RERE: variants seen among roughly 807,000 people sequenced by gnomAD.
RERE encodes arginine-glutamic acid dipeptide repeats.
Under a neutral mutation model 146.1 loss-of-function variants are expected in RERE, and 40 were observed. The observed-to-expected ratio is 0.27, with a 90% confidence interval of 0.21 to 0.36. The LOEUF (loss-of-function observed/expected upper bound fraction) is 0.36. RERE is among the 10% of genes least tolerant of loss of function. The pLI, the probability that RERE is intolerant of heterozygous loss-of-function variation, is 1.00. For missense variants in RERE, 1,933 were observed against 2,138.7 expected (o/e 0.90, Z 1.90); for synonymous variants, 1,003 against 866.0 (o/e 1.16, Z -2.78).
intron 11 of RERE, among the ~76,000 whole-genome samples, chr1:8,451,159 G>C (rs1251678770): frequency 6.6e-6 from 1 of 152,146 alleles, no homozygotes; most frequent in East Asian, 1.9e-4. Flanking sequence ...AGCTGGGCGC[G>C]GTGGCTCACA....
intron 12 of RERE, among the ~76,000 whole-genome samples, chr1:8,372,773 G>A (rs950158086): frequency 6.6e-6 from 1 of 152,194 alleles, no homozygotes; most frequent in Non-Finnish European, 1.5e-5. Context: ...ATACAGGCAG[G>A]CAGGCATCTA....
At chr1:8,636,051 C>T (rs375427163) in intron 2 of RERE, among the ~76,000 whole-genome samples, 118 of 152,086 alleles carry the variant, frequency 7.8e-4, no homozygotes, top group African/African-American at 2.5e-3. Flanking sequence ...TGCAATGGCG[C>T]GATCTCAGCT....
chr1:8,459,708 C>T (rs1200618345), intron 11 of RERE, among the ~76,000 whole-genome samples: 1 of 152,158 alleles, frequency 6.6e-6, no homozygotes, highest in East Asian at 1.9e-4. Flanking sequence ...TGAAGCCAGA[C>T]ACTGTGAGAC....
intron 1 of RERE, among the ~76,000 whole-genome samples, chr1:8,703,742 T>C (rs1639508591): frequency 6.6e-6 from 1 of 151,676 alleles, no homozygotes; most frequent in South Asian, 2.1e-4. Flanking sequence ...GAGCTGCCTC[T>C]GCTTCTGCCA....
chr1:8,665,780 A>T (rs1413826901), intron 1 of RERE, among the ~76,000 whole-genome samples: 1 of 152,254 alleles, frequency 6.6e-6, no homozygotes, highest in Non-Finnish European at 1.5e-5. Context: ...ATGTTAACTC[A>T]TTTAATCTTC....
intron 1 of RERE, among the ~76,000 whole-genome samples, chr1:8,758,708 G>C (rs1033910531): frequency 6.6e-6 from 1 of 152,028 alleles, no homozygotes; most frequent in African/African-American, 2.4e-5. Context: ...GCTGAGAGGA[G>C]GACTGGGGAA....
intron 1 of RERE, among the ~76,000 whole-genome samples, chr1:8,672,854 A>G (rs1473759038): frequency 6.6e-6 from 1 of 152,228 alleles, no homozygotes; most frequent in Non-Finnish European, 1.5e-5. Context: ...TCAGATGTTT[A>G]CTACCAAACA....
chr1:8,687,805 C>T (rs1389080788), intron 1 of RERE, among the ~76,000 whole-genome samples: 2 of 152,150 alleles, frequency 1.3e-5, no homozygotes, highest in Non-Finnish European at 2.9e-5. Flanking sequence ...TAAACAAAAG[C>T]AGGGTTTTAA....
At chr1:8,519,971 G>A (rs571006540) in intron 7 of RERE, among the ~76,000 whole-genome samples, 35 of 152,218 alleles carry the variant, frequency 2.3e-4, no homozygotes, top group African/African-American at 7.5e-4. Context: ...TGAAGTCCCC[G>A]TGACAGAAAG....
chr1:8,537,379 T>C (rs758545340), intron 7 of RERE, among the ~76,000 whole-genome samples: 1 of 152,168 alleles, frequency 6.6e-6, no homozygotes, highest in Non-Finnish European at 1.5e-5. Flanking sequence ...GTTCATGTAA[T>C]AATCCATATT....
chr1:8,491,629 C>A lies in RERE; in HGVS notation c.1104+3434G>T, dbSNP rs898406523. ...CAAGATCCTGCCTCAAACAAACAAA[C>A]AAACAAAAAAGAACTGACAGCTCAA... On this transcript the variant is annotated intron_variant, in intron 10 of 22. Transcript: ENST00000400908. 3.9e-5 allele frequency among the ~76,000 whole-genome samples: 6 copies of A among 151,994 alleles called. 1 individual carries two copies. The highest frequency in any genetic ancestry group is 1.5e-5 in the Non-Finnish European group (1 of 67,980).
At chr1:8,427,637 TAAA>T (rs33996085) in intron 11 of RERE, among the ~76,000 whole-genome samples, 10 of 116,346 alleles carry the variant, frequency 8.6e-5, no homozygotes, top group South Asian at 2.9e-4. Flanking sequence ...GGCCCCACTT[TAAA>T]AAAAAAAAAA....
rs1173819534 is a variant in RERE, at chr1:8,358,455, C to T, written c.4080G>A (p.Gly1360=). The T allele has an allele frequency of 6.3e-7, 1 of 1,586,870 alleles. No individual in the cohort carries two copies. The highest frequency in any genetic ancestry group is 8.6e-7 in the Non-Finnish European group (1 of 1,163,772). The change falls in exon 20 of 23, where the codon GGG becomes GGA. Residue 1360 remains glycine (G), a synonymous_variant. Transcript: ENST00000400908. ...HSALTIPPTA[G]PHPFASFHPG... ...GGTGGAAAGAAGCAAAAGGGTGGGG[C>T]CCGGCGGTCGGGGGGATGGTGAGGG...
chr1:8,534,924 A>C (rs1363627376), intron 7 of RERE, among the ~76,000 whole-genome samples: 1 of 152,186 alleles, frequency 6.6e-6, no homozygotes, highest in Non-Finnish European at 1.5e-5. Flanking sequence ...AACTCTAATA[A>C]TAAGGAAACA....
intron 6 of RERE, among the ~76,000 whole-genome samples, chr1:8,546,300 TAA>T (rs1446218151): frequency 1.2e-3 from 54 of 44,688 alleles, no homozygotes; most frequent in African/African-American, 4.6e-3. Flanking sequence ...TAAATAAAAA[TAA>T]AAATAAATAA....
chr1:8,779,042 T>G (rs980995738), intron 1 of RERE, among the ~76,000 whole-genome samples: 3 of 151,056 alleles, frequency 2.0e-5, no homozygotes, highest in Non-Finnish European at 3.0e-5. Flanking sequence ...AGACGGGGTT[T>G]TGCCATGTTG....
chr1:8,361,453 C>A lies in RERE; in HGVS notation c.2054G>T (p.Gly685Val), dbSNP rs1237959147. 1 of 1,613,324 alleles carries A rather than the reference C, an allele frequency of 6.2e-7. No individual in the cohort carries two copies. The highest frequency in any genetic ancestry group is 2.2e-5 in the East Asian group (1 of 44,874). Residue 685 changes from glycine to valine, a missense_variant, in exon 18 of 23, where the codon GGA becomes GTA. Physicochemically the swap from Gly to Val is moderately radical, Grantham distance 109. This residue lies in a region of RERE where 1,255 missense variants were observed against 1,153.8 expected (regional missense o/e 1.09). Coordinates refer to ENST00000400908, the MANE Select transcript of RERE (RefSeq NM_001042681.2). ...GACGCTGCGACTGTCTGAACTCTCT[C>A]CCTCACCTTCAGATGGCGAGTTGGG... ...SRPNSPSEGE[G>V]ESSDSRSVND...
At chr1:8,552,457 G>A (rs1253363099) in intron 6 of RERE, among the ~76,000 whole-genome samples, 1 of 151,556 alleles carries the variant, frequency 6.6e-6, no homozygotes, top group African/African-American at 2.4e-5. Flanking sequence ...CATTACATTT[G>A]TTTGATCCCT....
intron 1 of RERE, among the ~76,000 whole-genome samples, chr1:8,682,673 G>A (rs914295071): frequency 1.9e-4 from 29 of 152,050 alleles, no homozygotes; most frequent in African/African-American, 6.8e-4. Flanking sequence ...ACTAATTCAC[G>A]AACTTCTCTA....
Sources: allele counts gnomAD v4.1 joint callset (sites outside exome capture counted in the v4.1 genomes callset), GRCh38; gene constraint gnomAD v4.1.1; regional missense constraint gnomAD v4.1.1; transcripts MANE v1.5; gene names NCBI Gene and HGNC (gene_info 2026-07-23, HGNC 2026-07-21).